Variants in ARHGAP44 observed in about 807,000 individuals in gnomAD.
The protein encoded by ARHGAP44 is Rho GTPase activating protein 44.
A neutral mutation model predicts 106.8 loss-of-function variants in ARHGAP44; 43 were observed. The observed-to-expected ratio is 0.40, with a 90% CI of 0.32 to 0.52. The LOEUF is 0.52. Ranked by LOEUF, ARHGAP44 falls within the 20% of genes least tolerant of loss-of-function variation. The pLI is 0.48. For missense variants in ARHGAP44, 866 were observed against 1,050.5 expected, an observed-to-expected ratio of 0.82 and a Z score of 2.43; for synonymous variants, 439 against 410.3, an observed-to-expected ratio of 1.07 and a Z score of -0.85.
chr17:12,957,844 A>C lies in ARHGAP44; in HGVS notation c.1343-873A>C, dbSNP rs570465262. 2.0e-5 allele frequency among the ~76,000 whole-genome samples: 3 copies of C among 152,234 alleles called. No individual in the cohort carries two copies. In the South Asian group the frequency reaches 6.2e-4, roughly 32 times the overall value. ...GCTGTGCTGCAACAGCTGTTAAGGC[A>C]TGTGAGGATAGGTTAGTAATTCTAT... On this transcript the variant is annotated intron_variant, in intron 15 of 20. Transcript: ENST00000379672.
chr17:12,862,648 A>T (rs977491030), intron 1 of ARHGAP44, among the ~76,000 whole-genome samples: 1 of 152,160 alleles, frequency 6.6e-6, no homozygotes, highest in Non-Finnish European at 1.5e-5. Flanking sequence ...TGGTATCTAC[A>T]TATGAATGTT....
intron 1 of ARHGAP44, among the ~76,000 whole-genome samples, chr17:12,840,937 G>T (rs2035372294): frequency 6.6e-6 from 1 of 152,054 alleles, no homozygotes; most frequent in Admixed American, 6.6e-5. Context: ...GAGTTCTTAG[G>T]GGTCGGTTCC....
At position 12,970,223 on chromosome 17, in the gene ARHGAP44, A is replaced by G. The variant is rs115755709; in HGVS notation, c.1524-3079A>G. 8.3e-3 allele frequency among the ~76,000 whole-genome samples: 1,265 copies of G among 152,134 alleles called. 16 individuals carry two copies. The highest frequency in any genetic ancestry group is 0.028 in the African/African-American group (1,147 of 41,520). ...TCTAAAAAAATTATGAAAATTAGCCAGATGTGGTGGCATGTGCCTGTATTC... is the reference window on the plus strand; with the variant it reads ...TCTAAAAAAATTATGAAAATTAGCCGGATGTGGTGGCATGTGCCTGTATTC... On this transcript the variant is annotated intron_variant, in intron 16 of 20. Coordinates refer to ENST00000379672, the MANE Select transcript of ARHGAP44 (RefSeq NM_014859.6).
At chr17:12,886,408 T>C (rs563765643) in intron 1 of ARHGAP44, among the ~76,000 whole-genome samples, 24 of 152,278 alleles carry the variant, frequency 1.6e-4, no homozygotes, top group African/African-American at 5.3e-4. Context: ...TGTGATCAGT[T>C]TGGGGAGAAG....
At chr17:12,858,920 G>A (rs1263178721) in intron 1 of ARHGAP44, among the ~76,000 whole-genome samples, 1 of 152,140 alleles carries the variant, frequency 6.6e-6, no homozygotes, top group Non-Finnish European at 1.5e-5. Context: ...AAGTGAAAGG[G>A]GAAACCCCTT....
chr17:12,808,383 A>G (rs1169555852), intron 1 of ARHGAP44, among the ~76,000 whole-genome samples: 2 of 152,206 alleles, frequency 1.3e-5, no homozygotes, highest in African/African-American at 2.4e-5. Context: ...GTTCTCTGTG[A>G]ATGCCCTGTC....
At chr17:12,921,440 G>A (rs1040922020) in intron 6 of ARHGAP44, among the ~76,000 whole-genome samples, 4 of 152,072 alleles carry the variant, frequency 2.6e-5, no homozygotes, top group Non-Finnish European at 5.9e-5. Flanking sequence ...TGAACTCTTG[G>A]GCTCAAGCAA....
intron 1 of ARHGAP44, among the ~76,000 whole-genome samples, chr17:12,803,520 C>T (rs1250855564): frequency 6.6e-6 from 1 of 152,152 alleles, no homozygotes; most frequent in African/African-American, 2.4e-5. Context: ...ATTTAAGAGA[C>T]AGTGTCTTAC....
intron 1 of ARHGAP44, among the ~76,000 whole-genome samples, chr17:12,791,889 C>T (rs1470762894): frequency 2.0e-5 from 3 of 152,300 alleles, no homozygotes; most frequent in Admixed American, 6.5e-5. Context: ...CAGCCTGTAT[C>T]GCTTTTGATG....
intron 7 of ARHGAP44, among the ~76,000 whole-genome samples, chr17:12,938,469 A>C (rs2038611342): frequency 6.6e-6 from 1 of 152,062 alleles, no homozygotes; most frequent in Non-Finnish European, 1.5e-5. Context: ...ACATTCCAGC[A>C]TGAAGAAAAT....
At chr17:12,838,670 A>G (rs1407070728) in intron 1 of ARHGAP44, among the ~76,000 whole-genome samples, 1 of 151,856 alleles carries the variant, frequency 6.6e-6, no homozygotes, top group African/African-American at 2.4e-5. Flanking sequence ...CCCATCTCCA[A>G]TTTTGTTTAT....
At chr17:12,880,313 ACCTGTATTT>A (rs2036687395) in intron 1 of ARHGAP44, among the ~76,000 whole-genome samples, 1 of 152,148 alleles carries the variant, frequency 6.6e-6, no homozygotes, top group Non-Finnish European at 1.5e-5. Context: ...TATGGAAGCC[ACCTGTATTT>A]CCTTCCCAAA....
intron 4 of ARHGAP44, among the ~76,000 whole-genome samples, chr17:12,911,052 A>ACC (rs1450034573): frequency 1.5e-5 from 2 of 136,464 alleles, no homozygotes; most frequent in African/African-American, 6.8e-5. Flanking sequence ...AAGTAACCAA[A>ACC]AAAAAAAAAA....
intron 1 of ARHGAP44, among the ~76,000 whole-genome samples, chr17:12,887,792 C>G (rs1387293041): frequency 1.3e-5 from 2 of 151,204 alleles, no homozygotes; most frequent in East Asian, 1.9e-4. Context: ...TTTTAAAGTA[C>G]AAATTCAAAT....
At chr17:12,973,028 T>G in intron 16 of ARHGAP44, 1 of 402,892 alleles carries the variant, frequency 2.5e-6, no homozygotes. Flanking sequence ...GTTTCTTTCT[T>G]CCTTCTGCCT....
chr17:12,978,523 C>T (rs1183946271), intron 18 of ARHGAP44, among the ~76,000 whole-genome samples: 2 of 150,030 alleles, frequency 1.3e-5, no homozygotes, highest in African/African-American at 4.9e-5. Flanking sequence ...TGTGCTTTGA[C>T]GCTATGGGCT....
chr17:12,839,256 T>C (rs1303299468), intron 1 of ARHGAP44, among the ~76,000 whole-genome samples: 1 of 152,188 alleles, frequency 6.6e-6, no homozygotes, highest in African/African-American at 2.4e-5. Flanking sequence ...AATCTTCCTA[T>C]CTTAACATCA....
intron 1 of ARHGAP44, among the ~76,000 whole-genome samples, chr17:12,814,781 C>T (rs1216476281): frequency 6.6e-6 from 1 of 151,998 alleles, no homozygotes; most frequent in Non-Finnish European, 1.5e-5. Context: ...CTCTTGTTTT[C>T]CTCTCTTCCT....
intron 17 of ARHGAP44, 97 bp downstream of exon 17, chr17:12,973,416 C>A (rs368488313): frequency 1.5e-6 from 2 of 1,320,480 alleles, no homozygotes; most frequent in Non-Finnish European, 2.1e-6. Context: ...GAATGCGCCG[C>A]GTCTGGTTGC....
Sources: allele counts gnomAD v4.1 joint callset (sites outside exome capture counted in the v4.1 genomes callset), GRCh38; gene constraint gnomAD v4.1.1; transcripts MANE v1.5; gene names NCBI Gene and HGNC (gene_info 2026-07-23, HGNC 2026-07-21).